The following SLC6A18 variants were observed in gnomAD, a reference collection of about 807,000 sequenced individuals.
SLC6A18 encodes inactive sodium-dependent neutral amino acid transporter B(0)AT3.
SLC6A18 carries 58 observed loss-of-function variants against 62.9 expected under a neutral mutation model. The ratio of observed to expected loss-of-function variants is 0.92; its 90% CI spans 0.75 to 1.15. The LOEUF is 1.15. Among genes scored for constraint, SLC6A18 ranks in the 50% most tolerant of loss-of-function variants. The pLI, the probability that SLC6A18 is intolerant of heterozygous loss-of-function variation, is 0.00. For synonymous variants in SLC6A18, 382 were observed against 365.8 expected, an observed-to-expected ratio of 1.04 and a Z score of -0.51; for missense variants, 793 against 836.6, an observed-to-expected ratio of 0.95 and a Z score of 0.64.
At chr5:1,225,680 G>A (rs2126521794) in intron 1 of SLC6A18, 43 bp downstream of exon 1, 1 of 1,511,070 alleles carries the variant, frequency 6.6e-7, no homozygotes, top group Non-Finnish European at 8.9e-7. Flanking sequence ...CTAAGCAGGG[G>A]AGGCCGTCTC....
rs531633550 is a variant in SLC6A18 at position 1,241,222 on chromosome 5, G to A, written c.974+563G>A. Among the ~76,000 whole-genome samples, 2 of 152,304 alleles carry A rather than the reference G, an allele frequency of 1.3e-5. No homozygotes were observed. The highest frequency in any genetic ancestry group is 1.9e-4 in the East Asian group (1 of 5,184). ...TGTCCCCTGCACAGGCAGCTGCCTC[G>A]TCAGACCCACGGCCCTCTTAGAGCA... On this transcript the variant is annotated intron_variant, in intron 7 of 11. Coordinates refer to ENST00000324642, the MANE Select transcript of SLC6A18 (RefSeq NM_182632.3). The surrounding 1 kb of genome is among the most constrained non-coding windows in gnomAD (Gnocchi z 7.8).
intron 6 of SLC6A18, 86 bp downstream of exon 6, chr5:1,239,648 C>A: frequency 9.5e-7 from 1 of 1,054,328 alleles, no homozygotes; most frequent in African/African-American, 1.6e-5. Context: ...CACTGTGGAT[C>A]CAAGGGTGGC....
At chr5:1,233,855 C>T (rs1299623471) in intron 3 of SLC6A18, among the ~76,000 whole-genome samples, 1 of 151,922 alleles carries the variant, frequency 6.6e-6, no homozygotes, top group African/African-American at 2.4e-5. Flanking sequence ...CATTCTCCTG[C>T]CTCAGCCTCC....
intron 3 of SLC6A18, among the ~76,000 whole-genome samples, chr5:1,233,890 T>C (rs113188615): frequency 0.065 from 9,819 of 151,940 alleles, 781 homozygotes; most frequent in African/African-American, 0.19. Context: ...TACAGGCGCC[T>C]GCCACCAGGC....
chr5:1,229,830 T>A (rs1439331126), intron 1 of SLC6A18, among the ~76,000 whole-genome samples: 1 of 133,794 alleles, frequency 7.5e-6, no homozygotes, highest in Admixed American at 7.5e-5. Flanking sequence ...AGGGGAAAGG[T>A]AAGAGGGGCT....
chr5:1,245,983 T>C lies in SLC6A18; in HGVS notation c.1792T>C (p.Trp598Arg). 1 of 1,599,496 alleles carries C rather than the reference T, an allele frequency of 6.3e-7. No individual in the cohort carries two copies. The change falls in exon 12 of 12, where the codon TGG (tryptophan) becomes CGG (arginine). Residue 598 changes from tryptophan (W) to arginine (R), a missense_variant. Physicochemically the swap from Trp to Arg is moderately radical, Grantham distance 101. Coordinates refer to ENST00000324642, the MANE Select transcript of SLC6A18 (RefSeq NM_182632.3). ...AQLLTRRRRT[W>R]RDRDARPDTD... The stretch of plus-strand genomic sequence containing the variant: ...GCTGCTCACCCGGCGGAGGCGGACG[T>C]GGAGGGACAGGGACGCGCGCCCAGA...
At position 1,239,504 on chromosome 5, in the gene SLC6A18, TTC is replaced by T. The variant is rs1462377256; in HGVS notation, c.793_794del (p.Leu265ValfsTer19). 1 of 1,614,212 alleles carries T rather than the reference TTC, an allele frequency of 6.2e-7. No individual in the cohort carries two copies. Among genetic ancestry groups the T allele is most frequent in the Non-Finnish European group, 8.5e-7 (1 of 1,180,028 alleles). ...VWLDAATQIF[F>X]SLSLAFGGHI... ...GCTGGACGCAGCCACCCAGATATTC[TTC>T]TCTCTGTCCCTGGCCTTCGGAGGAC... On this transcript the variant is annotated frameshift_variant, in exon 6 of 12. Transcript: ENST00000324642. LOFTEE classifies it high-confidence loss of function.
rs1003756663 is a variant in SLC6A18 at position 1,241,825 on chromosome 5, C to T, written c.975-882C>T. Among the ~76,000 whole-genome samples, 1 of 152,236 alleles carries T rather than the reference C, an allele frequency of 6.6e-6. No homozygotes were observed. Among genetic ancestry groups the T allele is most frequent in the Non-Finnish European group, 1.5e-5 (1 of 68,048 alleles). On this transcript the variant is annotated intron_variant, in intron 7 of 11. Transcript: ENST00000324642. This position sits in a 1 kb window ranked among gnomAD's most constrained non-coding sequence, Gnocchi z 7.8. ...GCGCAAATATTGACGGGGTTACAAGCACATCTCAATGAGCAGGCGGATAAG... is the reference window on the plus strand; with the variant it reads ...GCGCAAATATTGACGGGGTTACAAGTACATCTCAATGAGCAGGCGGATAAG...
intron 1 of SLC6A18, among the ~76,000 whole-genome samples, chr5:1,226,974 G>A (rs1579523360): frequency 1.3e-5 from 1 of 74,114 alleles, no homozygotes; most frequent in South Asian, 3.9e-4. Context: ...GCCCACCGAC[G>A]CCTTGCCCAC....
chr5:1,234,435 C>T (rs1263663333), intron 3 of SLC6A18, among the ~76,000 whole-genome samples: 2 of 152,190 alleles, frequency 1.3e-5, no homozygotes, highest in East Asian at 3.9e-4. Context: ...AGCCACACTC[C>T]AGAAGCGGCC....
chr5:1,242,578 C>T lies in SLC6A18; in HGVS notation c.975-129C>T, dbSNP rs535450708. On this transcript the variant is annotated intron_variant, in intron 7 of 11. Coordinates refer to ENST00000324642, the MANE Select transcript of SLC6A18 (RefSeq NM_182632.3). ...CCAACAGGGGCAGGAGGGGCCCACA[C>T]GATCCCAACAGGGGCAGGAGGGGCC... 2.0e-5 allele frequency: 27 copies of T among 1,320,660 alleles called. No homozygotes were observed. The South Asian group carries it at 3.7e-4, about 18-fold the overall frequency. 81.8% of individuals were successfully genotyped at this position (1,320,660 alleles called of 1,614,324 possible). A position where few individuals can be genotyped will look rare whatever the true frequency, so the allele number is the denominator to read the frequency against.
At chr5:1,245,719 C>A in intron 11 of SLC6A18, 129 bp from the exon 12 acceptor site, 1 of 1,021,564 alleles carries the variant, frequency 9.8e-7, no homozygotes, top group East Asian at 2.7e-5. Flanking sequence ...ACTGCTCTGG[C>A]CGTGCCTTTT....
intron 7 of SLC6A18, among the ~76,000 whole-genome samples, chr5:1,242,027 G>A (rs1022029704): frequency 1.2e-3 from 150 of 127,240 alleles, no homozygotes; most frequent in African/African-American, 4.3e-3. Context: ...GTCTGTGCTT[G>A]AACCTTAAGC....
chr5:1,234,960 T>C (rs1319764140), intron 3 of SLC6A18, among the ~76,000 whole-genome samples: 2 of 152,226 alleles, frequency 1.3e-5, no homozygotes, highest in African/African-American at 2.4e-5. Context: ...TCCTGAGAGA[T>C]GTCACGGGAG....
chr5:1,226,818 A>G (rs1344989309), intron 1 of SLC6A18, among the ~76,000 whole-genome samples: 1 of 152,146 alleles, frequency 6.6e-6, no homozygotes, highest in Non-Finnish European at 1.5e-5. Flanking sequence ...TCGATCTGCT[A>G]AGAGTCACCA....
rs1322176722 is a variant in SLC6A18, at chr5:1,233,672, C to T, written c.439+784C>T. The stretch of plus-strand genomic sequence containing the variant: ...AAGCATGGCTCACTGCAACCTCCAA[C>T]TCCTGGCTCAAGTGATTCTCCTACC... On this transcript the variant is annotated intron_variant, in intron 3 of 11. Coordinates refer to ENST00000324642, the MANE Select transcript of SLC6A18 (RefSeq NM_182632.3). Among the ~76,000 whole-genome samples the T allele has an allele frequency of 3.3e-5, 5 of 150,802 alleles. No homozygotes were observed. The East Asian group carries it at 9.8e-4, about 29-fold the overall frequency.
Position 1,225,598 on chromosome 5 carries a change from A to C in SLC6A18, c.121A>C (p.Ile41Leu). The part of the protein sequence containing the change: ...CTGFAVGLGN[I>L]WRFPYLCQTY... ...TGGGTTTGCCGTGGGACTGGGGAAC[A>C]TTTGGCGGTTCCCATACCTGTGCCA... The change falls in exon 1 of 12, where the codon ATT becomes CTT. Residue 41 changes from isoleucine (I) to leucine (L), a missense_variant. Ile to Leu is a conservative substitution (Grantham distance 5, BLOSUM62 2). Transcript: ENST00000324642. 6.2e-7 allele frequency: 1 copy of C among 1,606,942 alleles called. No homozygotes were observed. The highest frequency in any genetic ancestry group is 8.5e-7 in the Non-Finnish European group (1 of 1,176,416).
chr5:1,235,368 C>A lies in SLC6A18; in HGVS notation c.440-113C>A, dbSNP rs1319630330. 3.8e-6 allele frequency: 4 copies of A among 1,050,190 alleles called. No homozygotes were observed. In the African/African-American group the frequency reaches 6.4e-5, roughly 17 times the overall value. The allele number at this position is 1,050,190 out of a possible 1,614,324, so 65.1% of individuals were successfully genotyped here. ...GGGCCCAAAAAGAAGTGAAAGGGCA[C>A]CTCAGCCCAAAAGGGCAGTGTTGTG... is the stretch of plus-strand genomic sequence containing the variant. On this transcript the variant is annotated intron_variant, in intron 3 of 11. Coordinates refer to ENST00000324642, the MANE Select transcript of SLC6A18 (RefSeq NM_182632.3).
At chr5:1,231,842 T>G (rs961717029) in intron 1 of SLC6A18, among the ~76,000 whole-genome samples, 2 of 152,162 alleles carry the variant, frequency 1.3e-5, no homozygotes, top group African/African-American at 4.8e-5. Context: ...CCACAGAGGC[T>G]GAGTCCCCAC....
Sources: gnomAD v4.1 joint callset for allele counts (sites outside exome capture counted in the v4.1 genomes callset) on GRCh38, gnomAD v4.1.1 for gene constraint, Gnocchi (gnomAD v3.1) non-coding constraint, MANE v1.5 for transcripts, NCBI Gene and HGNC (gene_info 2026-07-23, HGNC 2026-07-21) for gene names.